FRY: variants seen among roughly 807,000 people sequenced by gnomAD.
The protein encoded by FRY is FRY microtubule binding protein.
A neutral mutation model predicts 348.4 loss-of-function variants in FRY; 128 were observed. That is an observed-to-expected ratio of 0.37 (90% confidence interval 0.32 to 0.43). The LOEUF (loss-of-function observed/expected upper bound fraction) is 0.43. FRY is among the 20% of genes least tolerant of loss of function. FRY has a pLI of 1.00. For missense variants in FRY, 2,736 were observed against 3,695.2 expected, an observed-to-expected ratio of 0.74 and a Z score of 6.73; for synonymous variants, 1,370 against 1,374.7, an observed-to-expected ratio of 1.00 and a Z score of 0.08.
At chr13:32,049,345 A>G (rs1332338442) in intron 1 of FRY, among the ~76,000 whole-genome samples, 1 of 152,242 alleles carries the variant, frequency 6.6e-6, no homozygotes, top group East Asian at 1.9e-4. Flanking sequence ...GATTGTGTAT[A>G]CAAAGGCAAG....
At chr13:32,097,593 TCAGG>T (rs1876831869) in intron 2 of FRY, among the ~76,000 whole-genome samples, 1 of 151,952 alleles carries the variant, frequency 6.6e-6, no homozygotes, top group African/African-American at 2.4e-5. Context: ...ATTCCCAACA[TCAGG>T]TGATCTGCCC....
chr13:32,262,905 A>C (rs2138549006), intron 53 of FRY, among the ~76,000 whole-genome samples: 1 of 152,372 alleles, frequency 6.6e-6, no homozygotes, highest in Non-Finnish European at 1.5e-5. Flanking sequence ...TACAATTTGT[A>C]CATTGATTCA....
intron 3 of FRY, among the ~76,000 whole-genome samples, chr13:32,105,508 A>G (rs904305998): frequency 1.3e-5 from 2 of 152,240 alleles, no homozygotes; most frequent in African/African-American, 4.8e-5. Flanking sequence ...TGGTAAGGCC[A>G]TGAATATAGC....
intron 3 of FRY, among the ~76,000 whole-genome samples, chr13:32,112,322 C>T (rs150274591): frequency 6.6e-6 from 1 of 151,944 alleles, no homozygotes; most frequent in Non-Finnish European, 1.5e-5. Flanking sequence ...TATTATGTGC[C>T]CCACGTTTTA....
At chr13:32,113,466 C>G (rs536936921) in intron 3 of FRY, among the ~76,000 whole-genome samples, 1 of 152,282 alleles carries the variant, frequency 6.6e-6, no homozygotes, top group South Asian at 2.1e-4. Context: ...CATAAACTGC[C>G]AAAGTAAACA....
intron 55 of FRY, among the ~76,000 whole-genome samples, chr13:32,272,286 G>A (rs947003214): frequency 1.3e-5 from 2 of 152,230 alleles, no homozygotes; most frequent in African/African-American, 2.4e-5. Context: ...GATTTTGGAA[G>A]AGGTAGGGAG....
At position 32,101,990 on chromosome 13, in the gene FRY, C is replaced by A; in HGVS notation, c.298C>A (p.Arg100Ser). 1 of 1,543,658 alleles carries A rather than the reference C, an allele frequency of 6.5e-7. No homozygotes were observed. Among genetic ancestry groups the A allele is most frequent in the Non-Finnish European group, 9.0e-7 (1 of 1,115,878 alleles). The change falls in exon 3 of 61, where the codon CGT becomes AGT. Residue 100 changes from arginine to serine, a missense_variant. Arg to Ser is a moderately radical substitution (Grantham distance 110, BLOSUM62 -1). Transcript: ENST00000542859. ...AAAGCCATTGACAAAATCTCTGCAA[C>A]GTGGAGAAGACCCCCAATTTGATCA... ...LEKPLTKSLQ[R>S]GEDPQFDQVI...
intron 11 of FRY, among the ~76,000 whole-genome samples, chr13:32,142,964 G>T (rs886981044): frequency 1.3e-5 from 2 of 152,116 alleles, no homozygotes; most frequent in African/African-American, 4.8e-5. Flanking sequence ...GAGTAGAGGG[G>T]CAGGGGAATG....
In FRY at chr13:32,225,047, A is replaced by G; in HGVS notation, c.5020+11A>G. The G allele has an allele frequency of 6.9e-7, 1 of 1,451,244 alleles. No homozygotes were observed. The highest frequency in any genetic ancestry group is 9.7e-7 in the Non-Finnish European group (1 of 1,031,116). The allele number at this position is 1,451,244 out of a possible 1,614,324, so 89.9% of individuals were successfully genotyped here. A position where few individuals can be genotyped will look rare whatever the true frequency, so the allele number is the denominator to read the frequency against. On this transcript the variant is annotated intron_variant, in intron 38 of 60. Coordinates refer to ENST00000542859, the MANE Select transcript of FRY (RefSeq NM_023037.3). ...ATGCTGTCTTCTTAGGTAAGACTGGATCTAAAAGGCATTCTAGCCAATCGG... is the reference window on the plus strand; with the variant it reads ...ATGCTGTCTTCTTAGGTAAGACTGGGTCTAAAAGGCATTCTAGCCAATCGG...
chr13:32,225,424 G>A (rs1593766894), intron 38 of FRY, among the ~76,000 whole-genome samples: 1 of 152,280 alleles, frequency 6.6e-6, no homozygotes, highest in South Asian at 2.1e-4. Flanking sequence ...AAATGGGAAG[G>A]GGAACCAGCC....
At chr13:32,154,000 G>A (rs934202191) in intron 14 of FRY, among the ~76,000 whole-genome samples, 1 of 152,096 alleles carries the variant, frequency 6.6e-6, no homozygotes, top group African/African-American at 2.4e-5. Context: ...TGCCCTTAGT[G>A]TTGTCCCGGG....
At chr13:32,274,643 G>A (rs180861041) in intron 55 of FRY, among the ~76,000 whole-genome samples, 199 bp from the exon 56 acceptor site, 4 of 136,986 alleles carry the variant, frequency 2.9e-5, no homozygotes, top group Admixed American at 1.6e-4. Flanking sequence ...GGGGGAGCTT[G>A]CAGTGAGCCG....
chr13:32,234,809 C>A, intron 42 of FRY, 48 bp downstream of exon 42: 1 of 1,414,464 alleles, frequency 7.1e-7, no homozygotes, highest in Non-Finnish European at 1.0e-6. Flanking sequence ...GCTCTCTCAT[C>A]TCAATGAGGT....
At chr13:32,097,850 T>C (rs1287565355) in intron 2 of FRY, among the ~76,000 whole-genome samples, 2 of 152,054 alleles carry the variant, frequency 1.3e-5, no homozygotes, top group East Asian at 3.8e-4. Context: ...TGATAATGTT[T>C]GAACAACATT....
chr13:32,245,023 C>T (rs1299725667), intron 47 of FRY, among the ~76,000 whole-genome samples: 1 of 152,076 alleles, frequency 6.6e-6, no homozygotes, highest in South Asian at 2.1e-4. Context: ...AATCTCGGCT[C>T]ACTGCAACCT....
chr13:32,076,583 G>A lies in FRY; in HGVS notation c.71-2251G>A, dbSNP rs1038908139. 9.9e-5 allele frequency among the ~76,000 whole-genome samples: 15 copies of A among 152,236 alleles called. 1 individual carries two copies. In the South Asian group the frequency reaches 1.9e-3, roughly 19 times the overall value. ...CTGCTTGCGGTACCATTTAATTAATGACTCTTCTATCACAACTACTGCATC... is the reference window on the plus strand; with the variant it reads ...CTGCTTGCGGTACCATTTAATTAATAACTCTTCTATCACAACTACTGCATC... On this transcript the variant is annotated intron_variant, in intron 1 of 60. Transcript: ENST00000542859.
At position 32,289,642 on chromosome 13, in the gene FRY, C is replaced by T; in HGVS notation, c.8479C>T (p.Leu2827=). The T allele has an allele frequency of 5.7e-6, 9 of 1,584,128 alleles. No homozygotes were observed. The highest frequency in any genetic ancestry group is 2.2e-5 in the East Asian group (1 of 44,746). Residue 2827 remains leucine (L), a synonymous_variant, in exon 59 of 61, where the codon CTG becomes TTG. Transcript: ENST00000542859. Reference sequence around the variant, plus strand: ...CAATTTCTCTCTTTAGCAATTGGAACTGTGTCAGAGATTATATAAGCTACA... The same window carrying T: ...CAATTTCTCTCTTTAGCAATTGGAATTGTGTCAGAGATTATATAAGCTACA... ...PGDSEEKQLE[L]CQRLYKLHFQ...
At chr13:32,287,325 G>C (rs1341081300) in intron 58 of FRY, among the ~76,000 whole-genome samples, 3 of 152,168 alleles carry the variant, frequency 2.0e-5, no homozygotes, top group Admixed American at 6.5e-5. Context: ...TATTCTCAAT[G>C]TGCAAGGCAA....
At chr13:32,288,534 A>G (rs1179849409) in intron 58 of FRY, among the ~76,000 whole-genome samples, 2 of 152,220 alleles carry the variant, frequency 1.3e-5, no homozygotes, top group Non-Finnish European at 2.9e-5. Flanking sequence ...AATAATACCA[A>G]TAGAATATTC....
Sources: gnomAD v4.1 joint callset for allele counts (sites outside exome capture counted in the v4.1 genomes callset) on GRCh38, gnomAD v4.1.1 for gene constraint, MANE v1.5 for transcripts, NCBI Gene and HGNC (gene_info 2026-07-23, HGNC 2026-07-21) for gene names.